The following LAMA1 variants were observed in gnomAD, a reference collection of about 807,000 sequenced individuals.
LAMA1 encodes laminin subunit alpha 1.
In LAMA1, 219 loss-of-function variants were observed where a neutral mutation model predicts 348.7. That is an observed-to-expected ratio of 0.63 (90% CI 0.56 to 0.70). LAMA1 has a LOEUF of 0.70. Ranked by LOEUF, LAMA1 falls within the 30% of genes least tolerant of loss-of-function variation. The pLI is 0.00. For synonymous variants in LAMA1, 1,487 were observed against 1,491.0 expected, an observed-to-expected ratio of 1.00 and a Z score of 0.06; for missense variants, 3,744 against 3,888.0, an observed-to-expected ratio of 0.96 and a Z score of 0.99.
intron 5 of LAMA1, among the ~76,000 whole-genome samples, chr18:7,047,886 A>G (rs2058048251): frequency 6.6e-6 from 1 of 152,210 alleles, no homozygotes; most frequent in Non-Finnish European, 1.5e-5. Flanking sequence ...AAAAATTAAT[A>G]CAAAATGAAT....
rs1193334990 is a variant in LAMA1, at chr18:6,941,823, A to G, written c.*256T>C. 2.1e-6 allele frequency: 1 copy of G among 483,862 alleles called. No individual in the cohort carries two copies. The highest frequency in any genetic ancestry group is 2.0e-5 in the African/African-American group (1 of 51,264). The allele number at this position is 483,862 out of a possible 1,614,324, so 30.0% of individuals were successfully genotyped here. On this transcript the variant is annotated 3_prime_UTR_variant, in exon 63 of 63. Transcript: ENST00000389658. ...TAAAATACTATCAAGTAATCAACAG[A>G]ACATTCAATGTGTATAAAGATTTTT...
At position 7,088,210 on chromosome 18, in the gene LAMA1, C is replaced by T. The variant is rs1237151567; in HGVS notation, c.62-7753G>A. Among the ~76,000 whole-genome samples, 9 of 152,288 alleles carry T rather than the reference C, an allele frequency of 5.9e-5. No homozygotes were observed. In the East Asian group the frequency reaches 9.7e-4, roughly 16 times the overall value. ...GCATGGCCTCATAGCACGATTCGCCCGTTCCCCCTTCCCTTCCTCCCTTCG... is the reference window on the plus strand; with the variant it reads ...GCATGGCCTCATAGCACGATTCGCCTGTTCCCCCTTCCCTTCCTCCCTTCG... On this transcript the variant is annotated intron_variant, in intron 1 of 62. Transcript: ENST00000389658.
intron 56 of LAMA1, chr18:6,955,800 G>A (rs1284852383): frequency 2.5e-6 from 1 of 393,916 alleles, no homozygotes; most frequent in African/African-American, 2.1e-5. Context: ...CGTGACCCGA[G>A]GTTTTGGGAA....
chr18:7,015,430 A>G (rs1484589954), intron 22 of LAMA1, among the ~76,000 whole-genome samples: 5 of 151,068 alleles, frequency 3.3e-5, no homozygotes, highest in Non-Finnish European at 7.4e-5. Flanking sequence ...CCACCACACC[A>G]GGCTAAATTT....
chr18:7,014,839 ATTTTC>A, intron 22 of LAMA1, among the ~76,000 whole-genome samples: 1 of 151,272 alleles, frequency 6.6e-6, no homozygotes, highest in East Asian at 1.9e-4. Flanking sequence ...TATTTTTTGG[ATTTTC>A]TTTTCTTTTC....
chr18:7,015,595 T>C, intron 22 of LAMA1, 127 bp downstream of exon 22: 1 of 1,253,996 alleles, frequency 8.0e-7, no homozygotes, highest in Non-Finnish European at 1.1e-6. Flanking sequence ...TGAGTTTTTT[T>C]TTTTTTTTTA....
chr18:6,984,103 G>GA (rs2057723863), intron 39 of LAMA1, among the ~76,000 whole-genome samples: 1 of 152,118 alleles, frequency 6.6e-6, no homozygotes, highest in Non-Finnish European at 1.5e-5. Context: ...CTCTTTGGGG[G>GA]AAATGATGAA....
At chr18:7,020,146 A>T (rs557311598) in intron 19 of LAMA1, among the ~76,000 whole-genome samples, 150 of 152,330 alleles carry the variant, frequency 9.8e-4, no homozygotes, top group Admixed American at 2.3e-3. Flanking sequence ...CTTATTTAAT[A>T]TAAGAGTCCT....
chr18:7,024,321 A>G (rs2057932629), intron 18 of LAMA1, 59 bp downstream of exon 18: 5 of 1,338,440 alleles, frequency 3.7e-6, no homozygotes, highest in South Asian at 2.5e-5. Flanking sequence ...TTTAAAAATA[A>G]ACACATAGAA....
At chr18:7,017,845 T>C (rs546081154) in intron 19 of LAMA1, among the ~76,000 whole-genome samples, 11 of 152,308 alleles carry the variant, frequency 7.2e-5, no homozygotes, top group African/African-American at 2.4e-4. Context: ...ATCTTTTCAT[T>C]AAATATGATA....
In LAMA1 at chr18:7,016,515, C is replaced by A. The variant is rs181556627; in HGVS notation, c.2965G>T (p.Ala989Ser). 12 of 1,614,166 alleles carry A rather than the reference C, an allele frequency of 7.4e-6. No homozygotes were observed. In the African/African-American group the frequency reaches 1.5e-4, roughly 20 times the overall value. Residue 989 changes from alanine (A) to serine (S), a missense_variant, in exon 21 of 63, where the codon GCC becomes TCC. Transcript: ENST00000389658. ...RCDRCAHGFY[A>S]YQDGSCTPCD... ...CGTGTACAGCTACCATCCTGGTAGG[C>A]GTAGAAGCCATGGGCACACCTGTCA...
rs1368263291 is a variant in LAMA1, at chr18:6,949,506, A to G, written c.8398-247T>C. Reference sequence around the variant, plus strand: ...AGTGAAAGAAATCTGACATAGAAAAATGACAGCAAGAGGAATCTGACATAA... The same window carrying G: ...AGTGAAAGAAATCTGACATAGAAAAGTGACAGCAAGAGGAATCTGACATAA... On this transcript the variant is annotated intron_variant, in intron 58 of 62. Transcript: ENST00000389658. Among the ~76,000 whole-genome samples, 4 of 152,252 alleles carry G rather than the reference A, an allele frequency of 2.6e-5. No individual in the cohort carries two copies. In the East Asian group the frequency reaches 5.8e-4, roughly 22 times the overall value.
intron 26 of LAMA1, 23 bp from the exon 27 acceptor site, chr18:7,009,389 A>G: frequency 6.2e-7 from 1 of 1,613,488 alleles, no homozygotes; most frequent in Non-Finnish European, 8.5e-7. Context: ...AAACACATTC[A>G]ATTAAGCTCA....
At chr18:7,078,880 G>A (rs1006013354) in intron 3 of LAMA1, among the ~76,000 whole-genome samples, 21 of 152,062 alleles carry the variant, frequency 1.4e-4, no homozygotes, top group Middle Eastern at 3.2e-3. Context: ...CCAGCTAATC[G>A]GGAGGCTGAG....
intron 23 of LAMA1, among the ~76,000 whole-genome samples, chr18:7,012,397 G>C (rs994077925): frequency 6.6e-6 from 1 of 151,604 alleles, no homozygotes; most frequent in East Asian, 1.9e-4. Flanking sequence ...AGAATGTCCC[G>C]AGACAACTCT....
At chr18:7,086,221 T>G (rs1452569198) in intron 1 of LAMA1, among the ~76,000 whole-genome samples, 8 of 152,166 alleles carry the variant, frequency 5.3e-5, no homozygotes. Flanking sequence ...AAGAGAAGCT[T>G]CTTCTCACCG....
chr18:7,062,229 G>A (rs1163894337), intron 3 of LAMA1, among the ~76,000 whole-genome samples: 1 of 152,192 alleles, frequency 6.6e-6, no homozygotes, highest in Non-Finnish European at 1.5e-5. Flanking sequence ...GTGTCTGGGT[G>A]TTGGGGGAAG....
At chr18:7,057,479 T>C (rs1339211660) in intron 3 of LAMA1, among the ~76,000 whole-genome samples, 5 of 143,506 alleles carry the variant, frequency 3.5e-5, no homozygotes, top group African/African-American at 7.7e-5. Flanking sequence ...TTCTTTTTTT[T>C]TTTTTTTTTT....
intron 55 of LAMA1, 174 bp from the exon 56 acceptor site, chr18:6,956,939 T>C: frequency 2.9e-6 from 2 of 687,174 alleles, no homozygotes; most frequent in Non-Finnish European, 5.0e-6. Context: ...CATGCTATCT[T>C]AATATTTCTT....
Sources: allele counts gnomAD v4.1 joint callset (sites outside exome capture counted in the v4.1 genomes callset), GRCh38; gene constraint gnomAD v4.1.1; transcripts MANE v1.5; gene names NCBI Gene and HGNC (gene_info 2026-07-23, HGNC 2026-07-21).